IPPK: variants seen among roughly 807,000 people sequenced by gnomAD.
IPPK encodes the protein IPK1 homolog.
A neutral mutation model predicts 64.6 loss-of-function variants in IPPK; 22 were observed. That is an observed-to-expected ratio of 0.34 (90% CI 0.24 to 0.49). The LOEUF (loss-of-function observed/expected upper bound fraction) is 0.49. Among genes scored for constraint, IPPK ranks in the 20% least tolerant of loss-of-function variants. The pLI, the probability that IPPK is intolerant of heterozygous loss-of-function variation, is 0.99. For synonymous variants in IPPK, 262 were observed against 247.2 expected (o/e 1.06, Z -0.56); for missense variants, 532 against 630.7 (o/e 0.84, Z 1.68).
chr9:92,621,732 G>A lies in IPPK; in HGVS notation c.1171-2167C>T, dbSNP rs368303333. On this transcript the variant is annotated intron_variant, in intron 11 of 12. Coordinates refer to ENST00000287996, the MANE Select transcript of IPPK (RefSeq NM_022755.6). ...AGGTCTCGCTATGTTGCCCAGGCTGGTCTTGAACTCCTGAGCTCAAGTGAT... is the reference window on the plus strand; with the variant it reads ...AGGTCTCGCTATGTTGCCCAGGCTGATCTTGAACTCCTGAGCTCAAGTGAT... Among the ~76,000 whole-genome samples the A allele has an allele frequency of 6.6e-5, 10 of 152,158 alleles. No individual in the cohort carries two copies. The East Asian group carries it at 1.7e-3, about 26-fold the overall frequency.
chr9:92,628,574 T>A (rs1851775747), intron 11 of IPPK, among the ~76,000 whole-genome samples: 1 of 152,136 alleles, frequency 6.6e-6, no homozygotes, highest in African/African-American at 2.4e-5. Context: ...GAAAGAATAG[T>A]CTCCTCAACA....
chr9:92,613,186 G>A lies in IPPK; in HGVS notation c.*2646C>T, dbSNP rs41312236. On this transcript the variant is annotated 3_prime_UTR_variant, in exon 13 of 13. Coordinates refer to ENST00000287996, the MANE Select transcript of IPPK (RefSeq NM_022755.6). ...TGAACGTGGAGGATGAAGATGCTGCGTGGAGGAACATGCAATTTTATTCAA... is the reference window on the plus strand; with the variant it reads ...TGAACGTGGAGGATGAAGATGCTGCATGGAGGAACATGCAATTTTATTCAA... 84,029 of 1,612,244 alleles carry A rather than the reference G, an allele frequency of 0.052. 2,619 individuals carry two copies. Among genetic ancestry groups the A allele is most frequent in the South Asian group, 0.098 (8,908 of 91,006 alleles).
At chr9:92,627,652 C>T (rs62574673) in intron 11 of IPPK, among the ~76,000 whole-genome samples, 1 of 152,178 alleles carries the variant, frequency 6.6e-6, no homozygotes, top group Non-Finnish European at 1.5e-5. Context: ...GAATCCAACA[C>T]CCTTTCAGAA....
At chr9:92,622,771 A>G (rs1461480356) in intron 11 of IPPK, among the ~76,000 whole-genome samples, 1 of 152,112 alleles carries the variant, frequency 6.6e-6, no homozygotes, top group African/African-American at 2.4e-5. Context: ...TTCCTGCAGA[A>G]CTGAGTGAGG....
At chr9:92,655,617 C>A (rs375441008) in intron 3 of IPPK, among the ~76,000 whole-genome samples, 1 of 152,180 alleles carries the variant, frequency 6.6e-6, no homozygotes, top group African/African-American at 2.4e-5. Flanking sequence ...CCCTGGCCAA[C>A]AAGGGCCATC....
chr9:92,619,645 A>C, intron 11 of IPPK, 80 bp from the exon 12 acceptor site: 1 of 1,268,270 alleles, frequency 7.9e-7, no homozygotes, highest in Non-Finnish European at 1.1e-6. Flanking sequence ...CCAGTAGCCA[A>C]GTGTGGGAAC....
chr9:92,629,848 ACT>A (rs1256521953), intron 11 of IPPK, among the ~76,000 whole-genome samples: 1 of 152,178 alleles, frequency 6.6e-6, no homozygotes. Context: ...ACCACTGCAC[ACT>A]CTCGACGACG....
chr9:92,616,028 G>A lies in IPPK; in HGVS notation c.1280C>T (p.Ser427Leu), dbSNP rs1222780260. Reference sequence around the variant, plus strand: ...CACGGAAAAGGCAAACCTGGACCTCGATGAAGGGACGACAGGCCTTTGATC... The same window carrying A: ...CACGGAAAAGGCAAACCTGGACCTCAATGAAGGGACGACAGGCCTTTGATC... ...SSDQRPVVPSSRSRFAFSVSV... is the reference protein window; with the variant it reads ...SSDQRPVVPSLRSRFAFSVSV... The change falls in exon 13 of 13, where the codon TCG (serine) becomes TTG (leucine). Residue 427 changes from serine (S) to leucine (L), a missense_variant. By Grantham distance (145) the Ser-to-Leu change is moderately radical (BLOSUM62 -2). Coordinates refer to ENST00000287996, the MANE Select transcript of IPPK (RefSeq NM_022755.6). 1.9e-6 allele frequency: 3 copies of A among 1,613,940 alleles called. No individual in the cohort carries two copies. The highest frequency in any genetic ancestry group is 1.7e-6 in the Non-Finnish European group (2 of 1,179,972).
At chr9:92,636,558 T>C (rs527940299) in intron 9 of IPPK, among the ~76,000 whole-genome samples, 115 of 152,156 alleles carry the variant, frequency 7.6e-4, no homozygotes, top group Non-Finnish European at 1.3e-3. Context: ...GGAAGATCAC[T>C]TGAGCCCTGG....
intron 7 of IPPK, among the ~76,000 whole-genome samples, chr9:92,641,023 G>C (rs1852036080): frequency 6.6e-6 from 1 of 152,200 alleles, no homozygotes; most frequent in African/African-American, 2.4e-5. Context: ...GAGATGTGGG[G>C]GTTGGCCCTG....
At chr9:92,656,283 A>G (rs1852370945) in intron 3 of IPPK, among the ~76,000 whole-genome samples, 173 bp downstream of exon 3, 1 of 152,210 alleles carries the variant, frequency 6.6e-6, no homozygotes, top group African/African-American at 2.4e-5. Context: ...TCAGCTAGGA[A>G]AGAGAAACTG....
rs140933368 is a variant in IPPK, at chr9:92,654,805, A to G, written c.225+1651T>C. Among the ~76,000 whole-genome samples the G allele has an allele frequency of 2.0e-3, 304 of 152,332 alleles. 2 individuals are homozygous for G. Among genetic ancestry groups the G allele is most frequent in the African/African-American group, 6.9e-3 (287 of 41,578 alleles). On this transcript the variant is annotated intron_variant, in intron 3 of 12. Coordinates refer to ENST00000287996, the MANE Select transcript of IPPK (RefSeq NM_022755.6). The stretch of plus-strand genomic sequence containing the variant: ...CTGCTCAGAAGGACAAAGAGCCGCC[A>G]GCCTGGCTGTCCCTTCACTCATGTC...
Position 92,626,914 on chromosome 9 carries a change from T to G in IPPK, c.1171-7349A>C, listed in dbSNP as rs190853080. On this transcript the variant is annotated intron_variant, in intron 11 of 12. Coordinates refer to ENST00000287996, the MANE Select transcript of IPPK (RefSeq NM_022755.6). ...TGTTGTATGAAATGTTTAAATGCTA[T>G]TAAGAAAAAAAAAAAACAGAAATGA... is the stretch of plus-strand genomic sequence containing the variant. Among the ~76,000 whole-genome samples, 213 of 136,572 alleles carry G rather than the reference T, an allele frequency of 1.6e-3. 1 individual carries two copies. Among genetic ancestry groups the G allele is most frequent in the African/African-American group, 5.1e-3 (203 of 39,420 alleles). 89.6% of individuals were successfully genotyped at this position (136,572 alleles called of 152,430 possible). A position where few individuals can be genotyped will look rare whatever the true frequency, so the allele number is the denominator to read the frequency against.
intron 9 of IPPK, among the ~76,000 whole-genome samples, chr9:92,636,445 C>T (rs535527739): frequency 8.4e-4 from 128 of 151,908 alleles, no homozygotes; most frequent in Admixed American, 1.9e-3. Context: ...AAGACCAGCC[C>T]GGACAACATG....
intron 2 of IPPK, among the ~76,000 whole-genome samples, chr9:92,657,532 G>C (rs973806103): frequency 6.6e-6 from 1 of 152,168 alleles, no homozygotes; most frequent in African/African-American, 2.4e-5. Context: ...CAGGCCTTGG[G>C]GGAGTCAAGG....
intron 11 of IPPK, among the ~76,000 whole-genome samples, chr9:92,622,979 C>T (rs1851670171): frequency 6.6e-6 from 1 of 152,154 alleles, no homozygotes; most frequent in South Asian, 2.1e-4. Flanking sequence ...TTCAGACAGT[C>T]ACCCAACAAA....
chr9:92,645,811 C>T (rs934526101), intron 6 of IPPK, among the ~76,000 whole-genome samples: 1 of 151,844 alleles, frequency 6.6e-6, no homozygotes, highest in African/African-American at 2.4e-5. Context: ...CCAAATAAAC[C>T]ATAACTAAAA....
chr9:92,663,893 C>G (rs1852538929), intron 1 of IPPK, among the ~76,000 whole-genome samples: 1 of 152,220 alleles, frequency 6.6e-6, no homozygotes, highest in Non-Finnish European at 1.5e-5. Context: ...GAAGGGAAGA[C>G]AGAAAAAGAC....
intron 11 of IPPK, among the ~76,000 whole-genome samples, chr9:92,629,088 G>A (rs1458495048): frequency 6.6e-6 from 1 of 151,762 alleles, no homozygotes; most frequent in Non-Finnish European, 1.5e-5. Flanking sequence ...ACCCGACCCT[G>A]TCTCTGAAAA....
Sources: gnomAD v4.1 joint callset for allele counts (sites outside exome capture counted in the v4.1 genomes callset) on GRCh38, gnomAD v4.1.1 for gene constraint, MANE v1.5 for transcripts, NCBI Gene and HGNC (gene_info 2026-07-23, HGNC 2026-07-21) for gene names.